The following CSF2RA variants were observed in gnomAD, a reference collection of about 807,000 sequenced individuals.
The protein encoded by CSF2RA is colony stimulating factor 2 receptor subunit alpha, also known as granulocyte-macrophage colony-stimulating factor receptor subunit alpha.
In CSF2RA, 42 loss-of-function variants were observed where a neutral mutation model predicts 51.6. The observed-to-expected ratio is 0.81, with a 90% confidence interval of 0.64 to 1.05. The LOEUF is 1.05. Among genes scored for constraint, CSF2RA ranks in the 50% least tolerant of loss-of-function variants. CSF2RA has a pLI of 0.00. For missense variants in CSF2RA, 530 were observed against 501.1 expected, an observed-to-expected ratio of 1.06 and a Z score of -0.55; for synonymous variants, 222 against 193.0, an observed-to-expected ratio of 1.15 and a Z score of -1.24.
At chrX:1,285,655 T>A in intron 3 of CSF2RA, 123 bp from the exon 4 acceptor site, 1 of 1,166,960 alleles carries the variant, frequency 8.6e-7, no homozygotes. Flanking sequence ...TGACCTGAGA[T>A]CACAGCACTG....
intron 11 of CSF2RA, among the ~76,000 whole-genome samples, chrX:1,305,068 A>G (rs1240737353): frequency 1.3e-5 from 2 of 150,074 alleles, no homozygotes; most frequent in Admixed American, 6.7e-5. Context: ...ATCTCGGCTC[A>G]CTGCAACCTC....
chrX:1,307,511 C>T (rs1222378427), intron 12 of CSF2RA, among the ~76,000 whole-genome samples: 3 of 112,250 alleles, frequency 2.7e-5, no homozygotes, highest in Non-Finnish European at 3.8e-5. Context: ...CCACTCTCCC[C>T]GTTTAGACCT....
In CSF2RA at chrX:1,288,768, G is replaced by C. The variant is rs745921329; in HGVS notation, c.353G>C (p.Gly118Ala). The change falls in exon 6 of 13, where the codon GGT (glycine) becomes GCT (alanine). Residue 118 changes from glycine (G) to alanine (A), a missense_variant. By Grantham distance (60) the Gly-to-Ala change is moderately conservative. Transcript: ENST00000381529. The stretch of plus-strand genomic sequence containing the variant: ...TTCTACCTCTTCCCAGGAAGGGAGG[G>C]TACCGCTGCTCAGAATTTCTCCTGT... ...KLLYPNSGRE[G>A]TAAQNFSCFI... 1.2e-6 allele frequency: 2 copies of C among 1,613,862 alleles called. No individual in the cohort carries two copies. The highest frequency in any genetic ancestry group is 4.5e-5 in the East Asian group (2 of 44,884).
chrX:1,323,831 G>A, the CSF2RA span, among the ~76,000 whole-genome samples: 9 of 151,690 alleles, frequency 5.9e-5, no homozygotes, highest in East Asian at 3.9e-4. Context: ...TGGCTAACAC[G>A]GTGAAACCCC....
rs1358028597 is a variant in CSF2RA at position 1,305,527 on chromosome X, G to A, written c.1125G>A (p.Glu375=). Residue 375 remains glutamate (E), a splice_region_variant and synonymous_variant, in exon 12 of 13, where the codon GAG becomes GAA. Transcript: ENST00000381529. ...ATGATAACCATGAGGTGGAAGACGA[G>A]GTAGGCAGGGGTGGGCGGAGCAGTG... ...KLNDNHEVED[E]IIWEEFTPEE... 1.2e-6 allele frequency: 2 copies of A among 1,613,976 alleles called. No homozygotes were observed. Among genetic ancestry groups the A allele is most frequent in the Non-Finnish European group, 1.7e-6 (2 of 1,179,872 alleles).
rs373421744 is a variant in CSF2RA, at chrX:1,285,914, A to G, written c.213A>G (p.Glu71=). 2.2e-5 allele frequency: 35 copies of G among 1,613,696 alleles called. No individual in the cohort carries two copies. The highest frequency in any genetic ancestry group is 3.0e-5 in the Non-Finnish European group (35 of 1,179,840). Residue 71 remains glutamate, a synonymous_variant, in exon 4 of 13, where the codon GAA becomes GAG. Transcript: ENST00000381529. ...CTGACAAGAAGAACAGAGTCGTGGA[A>G]CCCAGGGTGAGACGAATTTCCCATT... The part of the protein sequence containing the change: ...FLTDKKNRVV[E]PRLSNNECSC...
chrX:1,289,542 TGTTTTTGTGTTTTTTTGGTTTCAC>T (rs1349647658), intron 6 of CSF2RA, among the ~76,000 whole-genome samples: 1 of 150,284 alleles, frequency 6.7e-6, no homozygotes, highest in Non-Finnish European at 1.5e-5. Context: ...GTTTTTCTTT[TGTTTTTGTGTTTTTTTGGTTTCAC>T]GTTTTTGTGG....
At position 1,300,744 on chromosome X, in the gene CSF2RA, T is replaced by G. The variant is rs2092312714; in HGVS notation, c.946+118T>G. On this transcript the variant is annotated intron_variant, in intron 10 of 12. Transcript: ENST00000381529. ...ATCGAGTTGAGCACGTCGCTGGGAG[T>G]AGTGTCAGGCTCTGAGCTTATCGCT... 4 of 1,318,174 alleles carry G rather than the reference T, an allele frequency of 3.0e-6. No individual in the cohort carries two copies. In the Admixed American group the frequency reaches 5.1e-5, roughly 17 times the overall value. 81.7% of individuals were successfully genotyped at this position (1,318,174 alleles called of 1,614,324 possible). A position where few individuals can be genotyped will look rare whatever the true frequency, so the allele number is the denominator to read the frequency against.
chrX:1,315,124 G>T (rs1253549151), downstream of CSF2RA, among the ~76,000 whole-genome samples: 1 of 151,880 alleles, frequency 6.6e-6, no homozygotes, highest in East Asian at 1.9e-4. Flanking sequence ...CACACTGTGG[G>T]GGGGAGGGTC....
chrX:1,323,409 G>C, the CSF2RA span, among the ~76,000 whole-genome samples: 1 of 152,002 alleles, frequency 6.6e-6, no homozygotes, highest in Non-Finnish European at 1.5e-5. Context: ...TACTAGTCGG[G>C]ACTGGCAGGG....
intron 2 of CSF2RA, among the ~76,000 whole-genome samples, chrX:1,280,417 G>T (rs376147190): frequency 6.7e-6 from 1 of 148,536 alleles, no homozygotes; most frequent in South Asian, 2.1e-4. Flanking sequence ...GTTGCAGTGA[G>T]CCAAGATTGC....
chrX:1,285,515 G>A, intron 3 of CSF2RA: 1 of 505,002 alleles, frequency 2.0e-6, no homozygotes, highest in Non-Finnish European at 3.5e-6. Context: ...CCAACATGGT[G>A]AAACCCCCAT....
intron 9 of CSF2RA, 134 bp from the exon 10 acceptor site, chrX:1,300,357 G>A (rs2092287129): frequency 1.8e-6 from 2 of 1,114,550 alleles, no homozygotes; most frequent in South Asian, 2.8e-5. Flanking sequence ...AGTGCATTCA[G>A]AGTGGTAGAA....
At position 1,309,824 on chromosome X, in the gene CSF2RA, G is replaced by T; in HGVS notation, c.*345G>T. 3.3e-6 allele frequency: 2 copies of T among 610,052 alleles called. No homozygotes were observed. Among genetic ancestry groups the T allele is most frequent in the South Asian group, 3.9e-5 (2 of 50,952 alleles). The allele number at this position is 610,052 out of a possible 1,614,324, so 37.8% of individuals were successfully genotyped here. On this transcript the variant is annotated 3_prime_UTR_variant, in exon 13 of 13. Transcript: ENST00000381529. ...AATTGCTTGAACCCGTGAGGCGGAG[G>T]TTGTAGTGAGCCAAGATCGCACCAT...
the CSF2RA span, among the ~76,000 whole-genome samples, chrX:1,315,802 G>C: frequency 8.1e-5 from 7 of 86,044 alleles, no homozygotes; most frequent in Admixed American, 5.0e-4. Flanking sequence ...TAGATAGATA[G>C]ATAGATAGAT....
intron 7 of CSF2RA, among the ~76,000 whole-genome samples, chrX:1,291,771 C>G (rs1341306266): frequency 6.6e-6 from 1 of 150,884 alleles, no homozygotes; most frequent in African/African-American, 2.4e-5. Context: ...CCACCTGGAC[C>G]CAGTGTAGAC....
intron 2 of CSF2RA, 45 bp downstream of exon 2, chrX:1,274,863 C>CT (rs1264108014): frequency 3.5e-5 from 16 of 451,512 alleles, no homozygotes; most frequent in South Asian, 1.2e-4. Flanking sequence ...TGGGGATTTT[C>CT]TTTTTTTTAA....
chrX:1,286,646 T>C (rs1455110768), intron 4 of CSF2RA, among the ~76,000 whole-genome samples: 2 of 152,126 alleles, frequency 1.3e-5, no homozygotes, highest in African/African-American at 4.8e-5. Context: ...AAGTGTGGTA[T>C]TTGGAGAAAT....
chrX:1,314,307 G>GCA (rs1569514756), downstream of CSF2RA, among the ~76,000 whole-genome samples: 61 of 30,338 alleles, frequency 2.0e-3, 3 homozygotes, highest in Middle Eastern at 0.037. Flanking sequence ...ACCACTCTGT[G>GCA]CCTGCCCAAC....
Sources: gnomAD v4.1 joint callset for allele counts (sites outside exome capture counted in the v4.1 genomes callset) on GRCh38, gnomAD v4.1.1 for gene constraint, MANE v1.5 for transcripts, NCBI Gene and HGNC (gene_info 2026-07-23, HGNC 2026-07-21) for gene names.